PARPBP: variants seen among roughly 807,000 people sequenced by gnomAD.
PARPBP encodes PCNA-interacting partner.
In PARPBP, 52 loss-of-function variants were observed where a neutral mutation model predicts 50.0. That is an observed-to-expected ratio of 1.04 (90% CI 0.83 to 1.31). The LOEUF is 1.31. PARPBP is among the 50% of genes most tolerant of loss of function. PARPBP has a pLI of 0.00. For synonymous variants in PARPBP, 244 were observed against 232.1 expected (o/e 1.05, Z -0.47); for missense variants, 697 against 672.0 (o/e 1.04, Z -0.41).
At chr12:102,155,286 AAAAAAC>A (rs1271819309) in intron 4 of PARPBP, 1 of 153,408 alleles carries the variant, frequency 6.5e-6, no homozygotes, top group Non-Finnish European at 1.4e-5. Context: ...CCATCTCAAA[AAAAAAC>A]AAAAACAAAA....
At chr12:102,144,006 A>G (rs1885022220) in intron 2 of PARPBP, among the ~76,000 whole-genome samples, 1 of 152,162 alleles carries the variant, frequency 6.6e-6, no homozygotes, top group Non-Finnish European at 1.5e-5. Flanking sequence ...TTTACTTTAA[A>G]TAGGAGAAGA....
At chr12:102,121,063 A>G (rs1180845112) in intron 1 of PARPBP, among the ~76,000 whole-genome samples, 2 of 152,112 alleles carry the variant, frequency 1.3e-5, no homozygotes, top group Admixed American at 6.5e-5. Context: ...GTGCTTGCAT[A>G]TTTATTGTCT....
chr12:102,147,404 A>G (rs538614373), intron 2 of PARPBP, among the ~76,000 whole-genome samples: 1 of 152,266 alleles, frequency 6.6e-6, no homozygotes, highest in East Asian at 1.9e-4. Flanking sequence ...TGATGAGTTC[A>G]TGTCCTTTGT....
Position 102,142,090 on chromosome 12 carries a change from T to A in PARPBP, c.154-6140T>A, listed in dbSNP as rs140606729. 9.1e-3 allele frequency among the ~76,000 whole-genome samples: 1,393 copies of A among 152,330 alleles called. 22 individuals carry two copies. The highest frequency in any genetic ancestry group is 0.032 in the African/African-American group (1,310 of 41,570). On this transcript the variant is annotated intron_variant, in intron 2 of 10. Coordinates refer to ENST00000327680, the MANE Select transcript of PARPBP (RefSeq NM_017915.5). Reference sequence around the variant, plus strand: ...ATATCCTGCAGAGTGTTTTCCAACTTGGTTCCATTCTCCCCGTCACTTTCA... The same window carrying A: ...ATATCCTGCAGAGTGTTTTCCAACTAGGTTCCATTCTCCCCGTCACTTTCA...
intron 2 of PARPBP, among the ~76,000 whole-genome samples, chr12:102,129,822 G>A (rs1882575436): frequency 6.6e-6 from 1 of 152,104 alleles, no homozygotes; most frequent in East Asian, 1.9e-4. Context: ...ACTGCCCAAA[G>A]CAATTTATAT....
intron 2 of PARPBP, among the ~76,000 whole-genome samples, chr12:102,147,633 TG>T (rs1184785853): frequency 6.6e-6 from 1 of 151,342 alleles, no homozygotes; most frequent in Non-Finnish European, 1.5e-5. Flanking sequence ...AGTTAATGGG[TG>T]CGGCGCACCA....
intron 2 of PARPBP, among the ~76,000 whole-genome samples, chr12:102,143,192 A>C (rs561806376): frequency 1.3e-5 from 2 of 152,300 alleles, no homozygotes; most frequent in Non-Finnish European, 2.9e-5. Flanking sequence ...CAGCAATGGC[A>C]GACGCCCCCC....
At position 102,148,686 on chromosome 12, in the gene PARPBP, G is replaced by A. The variant is rs1283968189; in HGVS notation, c.387+223G>A. On this transcript the variant is annotated intron_variant, in intron 3 of 10. Transcript: ENST00000327680. ...GTTATTGTTATTTAGTTGCTATACG[G>A]ATAGCTTCTTATTAGATCAAAAATC... 3 of 374,640 alleles carry A rather than the reference G, an allele frequency of 8.0e-6. No homozygotes were observed. The East Asian group carries it at 1.2e-4, about 15-fold the overall frequency. The allele number at this position is 374,640 out of a possible 1,614,324, so 23.2% of individuals were successfully genotyped here.
In PARPBP at chr12:102,134,379, G is replaced by A. The variant is rs144010568; in HGVS notation, c.153+10338G>A. Among the ~76,000 whole-genome samples, 141 of 152,082 alleles carry A rather than the reference G, an allele frequency of 9.3e-4. 1 individual carries two copies. Among genetic ancestry groups the A allele is most frequent in the Non-Finnish European group, 1.5e-3 (102 of 67,966 alleles). On this transcript the variant is annotated intron_variant, in intron 2 of 10. Transcript: ENST00000327680. ...AAGAAATGGATAAATTCCTTGACAC[G>A]TACTATCTACCAAGACTACATCATG... is the stretch of plus-strand genomic sequence containing the variant.
chr12:102,152,085 A>G (rs560347463), intron 3 of PARPBP: 5 of 350,438 alleles, frequency 1.4e-5, no homozygotes, highest in African/African-American at 6.3e-5. Flanking sequence ...TTTTATTTCC[A>G]ACTGCATCCC....
At chr12:102,138,622 T>C (rs1393328750) in intron 2 of PARPBP, among the ~76,000 whole-genome samples, 1 of 152,182 alleles carries the variant, frequency 6.6e-6, no homozygotes, top group African/African-American at 2.4e-5. Flanking sequence ...TGGTTTTAGG[T>C]CTAACATTCA....
chr12:102,138,193 C>A (rs982087754), intron 2 of PARPBP, among the ~76,000 whole-genome samples: 1 of 152,196 alleles, frequency 6.6e-6, no homozygotes, highest in Admixed American at 6.5e-5. Context: ...TAATAATGGC[C>A]ATTCTAACTG....
At chr12:102,121,001 C>T (rs1880968558) in intron 1 of PARPBP, among the ~76,000 whole-genome samples, 1 of 152,212 alleles carries the variant, frequency 6.6e-6, no homozygotes, top group Non-Finnish European at 1.5e-5. Context: ...CAAGTGTTAT[C>T]GCTGCTGCCT....
At chr12:102,138,262 T>TG (rs1404438274) in intron 2 of PARPBP, among the ~76,000 whole-genome samples, 1 of 152,258 alleles carries the variant, frequency 6.6e-6, no homozygotes, top group Non-Finnish European at 1.5e-5. Flanking sequence ...CCAGTGATGA[T>TG]GAGCATTTTT....
intron 4 of PARPBP, among the ~76,000 whole-genome samples, chr12:102,161,697 G>C (rs902828474): frequency 2.0e-5 from 3 of 152,080 alleles, no homozygotes; most frequent in Non-Finnish European, 2.9e-5. Flanking sequence ...AAGGCAGGAG[G>C]ATCACTTGAG....
intron 7 of PARPBP, among the ~76,000 whole-genome samples, chr12:102,176,731 A>G (rs899795668): frequency 3.9e-5 from 6 of 152,120 alleles, no homozygotes. Context: ...AATTTTTATT[A>G]TTTATCATTC....
chr12:102,151,532 C>A, intron 3 of PARPBP: 1 of 1,453,644 alleles, frequency 6.9e-7, no homozygotes, highest in Non-Finnish European at 9.3e-7. Flanking sequence ...GTCCCTGATG[C>A]CTGCACACTT....
intron 2 of PARPBP, among the ~76,000 whole-genome samples, chr12:102,126,211 T>C (rs1160156959): frequency 2.0e-5 from 3 of 152,124 alleles, no homozygotes; most frequent in Non-Finnish European, 4.4e-5. Context: ...CTCTCCTTTG[T>C]CTTTCAAAAT....
At chr12:102,125,931 T>G (rs1881923663) in intron 2 of PARPBP, among the ~76,000 whole-genome samples, 1 of 152,170 alleles carries the variant, frequency 6.6e-6, no homozygotes, top group Non-Finnish European at 1.5e-5. Context: ...ACCTTCAATT[T>G]TTTGCCAAGT....
Sources: allele counts gnomAD v4.1 joint callset (sites outside exome capture counted in the v4.1 genomes callset), GRCh38; gene constraint gnomAD v4.1.1; transcripts MANE v1.5; gene names NCBI Gene and HGNC (gene_info 2026-07-23, HGNC 2026-07-21).